The following CDH8 variants were observed in gnomAD, a reference collection of about 807,000 sequenced individuals.
CDH8 encodes cadherin-8.
A neutral mutation model predicts 68.1 loss-of-function variants in CDH8; 17 were observed. The observed-to-expected ratio is 0.25, with a 90% confidence interval of 0.17 to 0.37. The LOEUF is 0.37. Ranked by LOEUF, CDH8 falls within the 10% of genes least tolerant of loss-of-function variation. CDH8 has a pLI of 1.00. For synonymous variants in CDH8, 372 were observed against 365.1 expected (o/e 1.02, Z -0.21); for missense variants, 763 against 999.3 (o/e 0.76, Z 3.19).
At chr16:61,950,145 C>T (rs1292791732) in intron 2 of CDH8, among the ~76,000 whole-genome samples, 1 of 152,144 alleles carries the variant, frequency 6.6e-6, no homozygotes. Context: ...CGATAAAGCA[C>T]TTTCTGTCTA....
At chr16:61,899,393 A>G (rs1026236097) in intron 3 of CDH8, among the ~76,000 whole-genome samples, 5 of 152,070 alleles carry the variant, frequency 3.3e-5, no homozygotes, top group African/African-American at 4.8e-5. Context: ...AAGCAGACCA[A>G]TGGGGCAAGG....
In CDH8 at chr16:61,651,990, A is replaced by G. The variant is rs1370654901; in HGVS notation, c.*1618T>C. 4.0e-6 allele frequency: 3 copies of G among 743,142 alleles called. No individual in the cohort carries two copies. Among genetic ancestry groups the G allele is most frequent in the Admixed American group, 6.3e-5 (1 of 15,940 alleles). 46.0% of individuals were successfully genotyped at this position (743,142 alleles called of 1,614,324 possible). On this transcript the variant is annotated 3_prime_UTR_variant, in exon 12 of 12. Coordinates refer to ENST00000577390, the MANE Select transcript of CDH8 (RefSeq NM_001796.5). Reference sequence around the variant, plus strand: ...TTAATAGATCTTCCACTGATTGAAAAAAAAATTAATGACAACAAAGGTATT... The same window carrying G: ...TTAATAGATCTTCCACTGATTGAAAGAAAAATTAATGACAACAAAGGTATT...
Position 61,817,576 on chromosome 16 carries a change from G to T in CDH8, c.1180C>A (p.Pro394Thr). 1.2e-6 allele frequency: 2 copies of T among 1,613,972 alleles called. No individual in the cohort carries two copies. Among genetic ancestry groups the T allele is most frequent in the Non-Finnish European group, 1.7e-6 (2 of 1,179,942 alleles). Reference protein sequence around the residue: ...DADEPPVFSSPTYLLEVHENA... With the variant: ...DADEPPVFSSTTYLLEVHENA... Reference sequence around the variant, plus strand: ...TCATGAACTTCAAGTAGGTAAGTCGGTGAAGAGAAGACCGGAGGCTCATCA... The same window carrying T: ...TCATGAACTTCAAGTAGGTAAGTCGTTGAAGAGAAGACCGGAGGCTCATCA... The change falls in exon 7 of 12, where the codon CCG becomes ACG. Residue 394 changes from proline (P) to threonine (T), a missense_variant. Coordinates refer to ENST00000577390, the MANE Select transcript of CDH8 (RefSeq NM_001796.5).
chr16:62,020,498 G>GCA (rs3072068), intron 2 of CDH8, among the ~76,000 whole-genome samples: 11,832 of 149,698 alleles, frequency 0.079, 599 homozygotes, highest in African/African-American at 0.13. Context: ...ACGCGCGCGC[G>GCA]CACACACACA....
chr16:61,843,344 A>T (rs1338963054), intron 4 of CDH8, among the ~76,000 whole-genome samples: 4 of 152,222 alleles, frequency 2.6e-5, no homozygotes, highest in Non-Finnish European at 5.9e-5. Flanking sequence ...AAAGGAACTC[A>T]AGTAGCTGAG....
At chr16:61,996,273 T>C (rs1965803173) in intron 2 of CDH8, among the ~76,000 whole-genome samples, 1 of 152,150 alleles carries the variant, frequency 6.6e-6, no homozygotes, top group South Asian at 2.1e-4. Flanking sequence ...AATCATGCCT[T>C]GTAATTGAGC....
chr16:61,841,087 A>G (rs2143008235), intron 4 of CDH8, among the ~76,000 whole-genome samples: 1 of 152,268 alleles, frequency 6.6e-6, no homozygotes, highest in South Asian at 2.1e-4. Flanking sequence ...TATCTACTAC[A>G]CTTTCTTTGT....
intron 10 of CDH8, among the ~76,000 whole-genome samples, chr16:61,688,878 G>A (rs1054805181): frequency 3.9e-5 from 6 of 151,988 alleles, no homozygotes; most frequent in African/African-American, 1.4e-4. Flanking sequence ...GTCATTGTAT[G>A]CCTAAACATT....
rs915846913 is a variant in CDH8 at position 61,942,121 on chromosome 16, G to T, written c.253-40648C>A. On this transcript the variant is annotated intron_variant, in intron 2 of 11. Transcript: ENST00000577390. ...CCATTCTCTATATTATAGCCTAATT[G>T]ATCATTTTGATTTTTTTTAAAGAAT... Among the ~76,000 whole-genome samples, 3 of 152,150 alleles carry T rather than the reference G, an allele frequency of 2.0e-5. No individual in the cohort carries two copies. In the East Asian group the frequency reaches 5.8e-4, roughly 29 times the overall value.
intron 2 of CDH8, among the ~76,000 whole-genome samples, chr16:61,944,988 G>A (rs373444250): frequency 6.6e-6 from 1 of 152,104 alleles, no homozygotes; most frequent in African/African-American, 2.4e-5. Context: ...AAGACAGCAG[G>A]TTCAAAGAAA....
intron 2 of CDH8, among the ~76,000 whole-genome samples, chr16:61,903,954 T>TA (rs59909012): frequency 5.7e-4 from 84 of 147,702 alleles, no homozygotes; most frequent in African/African-American, 7.3e-4. Context: ...CAGCACTTTT[T>TA]AAAAAAAAAA....
chr16:61,665,944 C>A (rs576629230), intron 10 of CDH8, among the ~76,000 whole-genome samples: 4 of 150,838 alleles, frequency 2.7e-5, no homozygotes, highest in Admixed American at 2.6e-4. Flanking sequence ...TTCCGTTACT[C>A]ACAGTCAGCC....
intron 3 of CDH8, among the ~76,000 whole-genome samples, chr16:61,866,528 C>T (rs573828878): frequency 8.6e-5 from 13 of 151,866 alleles, no homozygotes; most frequent in African/African-American, 2.7e-4. Flanking sequence ...TATATACATA[C>T]TACATATACA....
chr16:61,912,386 T>G (rs566405566), intron 2 of CDH8, among the ~76,000 whole-genome samples: 1 of 152,078 alleles, frequency 6.6e-6, no homozygotes, highest in Non-Finnish European at 1.5e-5. Context: ...ATTTAAAGCT[T>G]TGGAAGAATG....
chr16:61,968,583 G>C (rs1965291137), intron 2 of CDH8, among the ~76,000 whole-genome samples: 1 of 152,206 alleles, frequency 6.6e-6, no homozygotes, highest in Admixed American at 6.5e-5. Context: ...CTAGCTTTTA[G>C]TATAAAAACT....
chr16:61,915,884 G>A (rs1964231311), intron 2 of CDH8, among the ~76,000 whole-genome samples: 1 of 152,140 alleles, frequency 6.6e-6, no homozygotes, highest in Non-Finnish European at 1.5e-5. Flanking sequence ...AGAAAGGTAG[G>A]GGGTGGGGCA....
chr16:61,655,537 A>G lies in CDH8; in HGVS notation c.1839T>C (p.Tyr613=), dbSNP rs373281473. 4 of 1,614,044 alleles carry G rather than the reference A, an allele frequency of 2.5e-6. No homozygotes were observed. The highest frequency in any genetic ancestry group is 2.7e-5 in the African/African-American group (2 of 74,926). ...CCATACTGAGTCCAATTGGAAGGAC[A>G]TAAGCTTCGACATTGCAAGACTGGA... ...GVVQSCNVEA[Y]VLPIGLSMGA... The change falls in exon 11 of 12, where the codon TAT becomes TAC. Residue 613 remains tyrosine (Y), a synonymous_variant. Transcript: ENST00000577390.
intron 8 of CDH8, among the ~76,000 whole-genome samples, chr16:61,759,578 T>C (rs951557598): frequency 3.9e-5 from 6 of 152,154 alleles, no homozygotes; most frequent in African/African-American, 1.4e-4. Context: ...TGTGCCAAAA[T>C]GATTCCAAGA....
At chr16:61,992,127 C>CT (rs5817331) in intron 2 of CDH8, among the ~76,000 whole-genome samples, 68,408 of 150,224 alleles carry the variant, frequency 0.46, 18,614 homozygotes, top group East Asian at 0.67. Context: ...GAAATGTACT[C>CT]TTTTTTGGGC....
Sources: allele counts gnomAD v4.1 joint callset (sites outside exome capture counted in the v4.1 genomes callset), GRCh38; gene constraint gnomAD v4.1.1; transcripts MANE v1.5; gene names NCBI Gene and HGNC (gene_info 2026-07-23, HGNC 2026-07-21).